The following SLC38A10 variants were observed in gnomAD, a reference collection of about 807,000 sequenced individuals.
SLC38A10 encodes Sodium-coupled neutral amino acid transporter 10.
Under a neutral mutation model 81.0 loss-of-function variants are expected in SLC38A10, and 53 were observed. The ratio of observed to expected loss-of-function variants is 0.65; its 90% CI spans 0.53 to 0.82. The LOEUF (loss-of-function observed/expected upper bound fraction) is 0.82, where lower values mean the gene tolerates loss of function less well. Ranked by LOEUF, SLC38A10 falls within the 40% of genes least tolerant of loss-of-function variation. The probability of loss-of-function intolerance (pLI) is 0.00; values close to 1 mark genes in which losing one functional copy is unlikely to be tolerated. For synonymous variants in SLC38A10, 665 were observed against 655.3 expected, an observed-to-expected ratio of 1.01 and a Z score of -0.23; for missense variants, 1,471 against 1,545.0, an observed-to-expected ratio of 0.95 and a Z score of 0.80.
In SLC38A10 at chr17:81,251,608, C is replaced by T. The variant is rs1264802705; in HGVS notation, c.1950G>A (p.Gly650=). 6.7e-7 allele frequency: 1 copy of T among 1,488,440 alleles called. No individual in the cohort carries two copies. The highest frequency in any genetic ancestry group is 8.9e-7 in the Non-Finnish European group (1 of 1,127,114). 92.2% of individuals were successfully genotyped at this position (1,488,440 alleles called of 1,614,324 possible). A position where few individuals can be genotyped will look rare whatever the true frequency, so the allele number is the denominator to read the frequency against. The change falls in exon 14 of 16, where the codon GGG becomes GGA. Residue 650 remains glycine, a synonymous_variant. Transcript: ENST00000374759. Reference sequence around the variant, plus strand: ...GCTTCTCCGCTGGGAGGGGAGGCTTCCCACCTGCACACACGGTGAAGACTC... The same window carrying T: ...GCTTCTCCGCTGGGAGGGGAGGCTTTCCACCTGCACACACGGTGAAGACTC... ...GQPAEDSDHG[G]KPPLPAEKPA... is the part of the protein sequence containing the mutation.
intron 11 of SLC38A10, among the ~76,000 whole-genome samples, chr17:81,257,881 C>T (rs890685732): frequency 3.9e-5 from 6 of 152,266 alleles, no homozygotes; most frequent in African/African-American, 1.2e-4. Context: ...GAGGGGCGTG[C>T]AGGCACCGGG....
At chr17:81,272,007 G>A (rs1277537688) in intron 9 of SLC38A10, among the ~76,000 whole-genome samples, 3 of 151,920 alleles carry the variant, frequency 2.0e-5, no homozygotes, top group Admixed American at 1.3e-4. Context: ...GATTACAGGC[G>A]TGAGCCACTG....
Position 81,281,150 on chromosome 17 carries a change from A to T in SLC38A10, c.502-417T>A, listed in dbSNP as rs1270680366. ...TTTTCCAAAAGACTGGCCCACCAGG[A>T]CGCGGCTGTCTCAAGAGTAAAGAGG... On this transcript the variant is annotated intron_variant, in intron 5 of 15. Coordinates refer to ENST00000374759, the MANE Select transcript of SLC38A10 (RefSeq NM_001037984.3). The surrounding 1 kb of genome is among the most constrained non-coding windows in gnomAD (Gnocchi z 5.3). Among the ~76,000 whole-genome samples, 2 of 152,206 alleles carry T rather than the reference A, an allele frequency of 1.3e-5. No individual in the cohort carries two copies. The highest frequency in any genetic ancestry group is 4.8e-5 in the African/African-American group (2 of 41,446).
chr17:81,290,193 T>C, intron 1 of SLC38A10, among the ~76,000 whole-genome samples: 1 of 152,186 alleles, frequency 6.6e-6, no homozygotes, highest in East Asian at 1.9e-4. Context: ...AAAAATGCCA[T>C]TTTCCCCGTT....
intron 10 of SLC38A10, chr17:81,262,828 G>C (rs1482161219): frequency 6.6e-6 from 1 of 152,236 alleles, no homozygotes; most frequent in East Asian, 1.9e-4. Flanking sequence ...ATTTTTAACG[G>C]GGACCTCATC....
chr17:81,279,471 G>A (rs939997615), intron 6 of SLC38A10, among the ~76,000 whole-genome samples: 2 of 152,174 alleles, frequency 1.3e-5, no homozygotes, highest in African/African-American at 2.4e-5. Context: ...AGGTCAGCAC[G>A]GCGGCCGGCA....
rs777802238 is a variant in SLC38A10, at chr17:81,252,351, C to T, written c.1789G>A (p.Gly597Arg). 3 of 1,613,108 alleles carry T rather than the reference C, an allele frequency of 1.9e-6. No homozygotes were observed. The Admixed American group carries it at 5.0e-5, about 27-fold the overall frequency. The change falls in exon 13 of 16, where the codon GGG (glycine) becomes AGG (arginine). Residue 597 changes from glycine to arginine, a missense_variant. Gly to Arg is a moderately radical substitution (Grantham distance 125). Coordinates refer to ENST00000374759, the MANE Select transcript of SLC38A10 (RefSeq NM_001037984.3). Reference protein sequence around the residue: ...PAVQPAKEDLGPGDRGLHPRP... With the variant: ...PAVQPAKEDLRPGDRGLHPRP... ...GGATGCAGGCCCCTGTCTCCTGGCC[C>T]CAGGTCCTCCTTTGCAGGCTGGACA...
chr17:81,294,154 C>T lies in SLC38A10; in HGVS notation c.99+669G>A, dbSNP rs1375417370. ...CAAGCTATTCTCCTGTCTCAGCCTC[C>T]CAAGTATCTGGGATTACAGGCATGT... On this transcript the variant is annotated intron_variant, in intron 1 of 15. Transcript: ENST00000374759. Among the ~76,000 whole-genome samples the T allele has an allele frequency of 1.4e-4, 21 of 152,298 alleles. No individual in the cohort carries two copies. The South Asian group carries it at 4.1e-3, about 30-fold the overall frequency.
intron 14 of SLC38A10, among the ~76,000 whole-genome samples, chr17:81,248,995 G>A (rs1033430047): frequency 6.6e-6 from 1 of 152,180 alleles, no homozygotes; most frequent in Non-Finnish European, 1.5e-5. Flanking sequence ...CCTCGGCCGT[G>A]GGCCACGTGC....
At chr17:81,264,484 G>A (rs980166900) in intron 10 of SLC38A10, 1 of 152,530 alleles carries the variant, frequency 6.6e-6, no homozygotes, top group Middle Eastern at 3.4e-3. Flanking sequence ...GGCCTGACCA[G>A]GGGCCGCGCA....
At chr17:81,285,241 G>A (rs1025288957) in intron 2 of SLC38A10, 16 of 221,844 alleles carry the variant, frequency 7.2e-5, no homozygotes, top group African/African-American at 1.4e-4. Context: ...AGCCCAGCAC[G>A]GCCGAACCCC....
chr17:81,294,669 C>A (rs553862724), intron 1 of SLC38A10, among the ~76,000 whole-genome samples, 154 bp downstream of exon 1: 54 of 152,352 alleles, frequency 3.5e-4, no homozygotes, highest in African/African-American at 1.3e-3. Flanking sequence ...TCTACGGGAA[C>A]TGCGCCGGGA....
chr17:81,282,454 G>T, intron 4 of SLC38A10, 122 bp from the exon 5 acceptor site: 1 of 1,369,024 alleles, frequency 7.3e-7, no homozygotes, highest in Non-Finnish European at 9.9e-7. Context: ...GGTGAATGAC[G>T]CCGGCGGGTC....
intron 9 of SLC38A10, among the ~76,000 whole-genome samples, chr17:81,271,437 CCAGA>C (rs2063114855): frequency 3.9e-5 from 6 of 152,176 alleles, no homozygotes; most frequent in Non-Finnish European, 5.9e-5. Flanking sequence ...TGCCAGGAGC[CCAGA>C]CAGATCGCCT....
In SLC38A10 at chr17:81,251,399, C is replaced by G; in HGVS notation, c.2065+94G>C. On this transcript the variant is annotated intron_variant, in intron 14 of 15. Coordinates refer to ENST00000374759, the MANE Select transcript of SLC38A10 (RefSeq NM_001037984.3). ...GAAAGAGAAGGGGGGCCTGGCAGGG[C>G]TCCCGAGGATGACCTGGGCATCACC... The G allele has an allele frequency of 1.9e-6, 3 of 1,611,806 alleles. No individual in the cohort carries two copies. The South Asian group carries it at 3.3e-5, about 18-fold the overall frequency.
chr17:81,248,921 C>T (rs566433807), intron 14 of SLC38A10, among the ~76,000 whole-genome samples: 21 of 152,356 alleles, frequency 1.4e-4, no homozygotes, highest in African/African-American at 2.6e-4. Context: ...AAGGCCATGA[C>T]GGGCAGAGCA....
intron 10 of SLC38A10, chr17:81,263,566 C>T (rs1457892186): frequency 6.6e-6 from 1 of 152,350 alleles, no homozygotes; most frequent in Non-Finnish European, 1.5e-5. Context: ...GGCTCGCTGA[C>T]TTTCAGGCTG....
intron 10 of SLC38A10, among the ~76,000 whole-genome samples, chr17:81,260,728 T>C (rs2063015206): frequency 1.3e-5 from 2 of 152,224 alleles, no homozygotes; most frequent in Admixed American, 1.3e-4. Flanking sequence ...GGGCCAATCC[T>C]GTCAGAGCTA....
rs922478687 is a variant in SLC38A10, at chr17:81,244,915, G to A, written c.*641C>T. 4 of 163,304 alleles carry A rather than the reference G, an allele frequency of 2.4e-5. No homozygotes were observed. The highest frequency in any genetic ancestry group is 3.0e-3 in the Middle Eastern group (1 of 332). 10.1% of individuals were successfully genotyped at this position (163,304 alleles called of 1,614,324 possible). A position where few individuals can be genotyped will look rare whatever the true frequency, so the allele number is the denominator to read the frequency against. The stretch of plus-strand genomic sequence containing the variant: ...GCCAACCATGAGGAGTGCAAAGGGC[G>A]GCACCGGCCAGTGCCCCTGGACACC... On this transcript the variant is annotated 3_prime_UTR_variant, in exon 16 of 16. Coordinates refer to ENST00000374759, the MANE Select transcript of SLC38A10 (RefSeq NM_001037984.3).
Sources: gnomAD v4.1 joint callset for allele counts (sites outside exome capture counted in the v4.1 genomes callset) on GRCh38, gnomAD v4.1.1 for gene constraint, Gnocchi (gnomAD v3.1) non-coding constraint, MANE v1.5 for transcripts, NCBI Gene and HGNC (gene_info 2026-07-23, HGNC 2026-07-21) for gene names.